Variants in PARP9 observed in about 807,000 individuals in gnomAD.
PARP9 encodes the protein poly(ADP-ribose) polymerase family member 9.
Under a neutral mutation model 68.8 loss-of-function variants are expected in PARP9, and 48 were observed. The ratio of observed to expected loss-of-function variants is 0.70; its 90% CI spans 0.55 to 0.89. The LOEUF is 0.89. PARP9 is among the 40% of genes least tolerant of loss of function. The pLI is 0.00. For synonymous variants in PARP9, 309 were observed against 333.8 expected (o/e 0.93, Z 0.81); for missense variants, 806 against 969.3 (o/e 0.83, Z 2.24).
At chr3:122,531,477 G>A (rs2077300515) in intron 10 of PARP9, among the ~76,000 whole-genome samples, 1 of 152,186 alleles carries the variant, frequency 6.6e-6, no homozygotes, top group Non-Finnish European at 1.5e-5. Flanking sequence ...AGAACTGCCT[G>A]CTGGGTGCAG....
chr3:122,545,156 T>G (rs1216879889), intron 7 of PARP9, among the ~76,000 whole-genome samples: 1 of 152,088 alleles, frequency 6.6e-6, no homozygotes, highest in African/African-American at 2.4e-5. Context: ...AACTTTTCCT[T>G]GGGAAAAAAT....
chr3:122,534,813 T>G (rs1402512297), intron 10 of PARP9: 1 of 602,270 alleles, frequency 1.7e-6, no homozygotes, highest in South Asian at 7.3e-5. Flanking sequence ...GAGGCGGAGG[T>G]TGCAGTGAGC....
chr3:122,530,176 C>CAAAA (rs11295677), intron 10 of PARP9, among the ~76,000 whole-genome samples: 4 of 82,296 alleles, frequency 4.9e-5, no homozygotes, highest in South Asian at 3.8e-4. Context: ...GGCCCTGTCT[C>CAAAA]AAAAAAAAAA....
Position 122,528,486 on chromosome 3 carries a change from G to T in PARP9, c.2338C>A (p.Pro780Thr). ...TGGGTGCATGTCCACAAATACTGAG[G>T]TATAGCCTGCATGCCACTAAAAATA... Reference protein sequence around the residue: ...FVIFSGMQAIPQYLWTCTQEY... With the variant: ...FVIFSGMQAITQYLWTCTQEY... The change falls in exon 11 of 11, where the codon CCT (proline) becomes ACT (threonine). Residue 780 changes from proline (P) to threonine (T), a missense_variant. By Grantham distance (38) the Pro-to-Thr change is conservative. This residue lies in a region of PARP9 where 680 missense variants were observed against 858.8 expected (regional missense o/e 0.79). Transcript: ENST00000682323. The T allele has an allele frequency of 6.2e-7, 1 of 1,614,164 alleles. No individual in the cohort carries two copies. Among genetic ancestry groups the T allele is most frequent in the Non-Finnish European group, 8.5e-7 (1 of 1,180,028 alleles).
chr3:122,536,491 C>T (rs2077655168), intron 9 of PARP9, 149 bp from the exon 10 acceptor site: 1 of 1,339,808 alleles, frequency 7.5e-7, no homozygotes, highest in Non-Finnish European at 9.9e-7. Flanking sequence ...AAAAGAGTCT[C>T]TCCTCCCTCT....
At position 122,547,120 on chromosome 3, in the gene PARP9, T is replaced by TC. The variant is rs1462349766; in HGVS notation, c.1327-1632_1327-1631insG. Among the ~76,000 whole-genome samples, 43 of 143,340 alleles carry TC rather than the reference T, an allele frequency of 3.0e-4. 1 individual carries two copies. In the South Asian group the frequency reaches 9.8e-3, roughly 33 times the overall value. The allele number at this position is 143,340 out of a possible 152,430, so 94.0% of individuals were successfully genotyped here. On this transcript the variant is annotated intron_variant, in intron 6 of 10. Coordinates refer to ENST00000682323, the MANE Select transcript of PARP9 (RefSeq NM_001146105.2). ...TACACGTATTTTTTTTTCTTTTTTTTTTTTTTTGAGATGGCCCTGGCTGGC... is the reference window on the plus strand; with the variant it reads ...TACACGTATTTTTTTTTCTTTTTTTTCTTTTTTTGAGATGGCCCTGGCTGGC...
intron 9 of PARP9, 163 bp from the exon 10 acceptor site, chr3:122,536,505 C>A: frequency 7.8e-7 from 1 of 1,277,502 alleles, no homozygotes; most frequent in Non-Finnish European, 1.0e-6. Flanking sequence ...TCCCTCTAAT[C>A]CTCTCCTATT....
chr3:122,555,885 C>T lies in PARP9; in HGVS notation c.286G>A (p.Ala96Thr), dbSNP rs1414757155. ...GCTGCATTCACCACAGCATCAACAG[C>T]ATGTGTGGTGAGGTCATCTTTCCAG... ...SVWKDDLTTHAVDAVVNAANE... is the reference protein window; with the variant it reads ...SVWKDDLTTHTVDAVVNAANE... The change falls in exon 4 of 11, where the codon GCT becomes ACT. Residue 96 changes from alanine to threonine, a missense_variant. Around this residue, in one of 2 missense-constraint regions of PARP9, gnomAD observed 126 missense variants for 110.5 expected, o/e 1.14. Transcript: ENST00000682323. The T allele has an allele frequency of 3.7e-6, 6 of 1,614,070 alleles. No homozygotes were observed. The South Asian group carries it at 5.5e-5, about 15-fold the overall frequency.
chr3:122,535,448 T>C, intron 10 of PARP9: 2 of 985,454 alleles, frequency 2.0e-6, no homozygotes, highest in Non-Finnish European at 2.4e-6. Context: ...GAGCCACATA[T>C]TTAATAGACC....
chr3:122,544,170 C>T (rs2078500662), intron 7 of PARP9, among the ~76,000 whole-genome samples: 1 of 152,102 alleles, frequency 6.6e-6, no homozygotes, highest in Non-Finnish European at 1.5e-5. Flanking sequence ...CCCCACCCTA[C>T]CCTCTCTGGA....
chr3:122,534,154 T>G, intron 10 of PARP9: 1 of 817,830 alleles, frequency 1.2e-6, no homozygotes, highest in African/African-American at 1.9e-5. Context: ...AAAGACTATA[T>G]GGAGACAAGA....
At chr3:122,564,484 C>T, upstream of PARP9, 2 of 1,612,802 alleles carry the variant, frequency 1.2e-6, no homozygotes, top group South Asian at 1.1e-5. Flanking sequence ...CAAGTCCGGC[C>T]CCCGAGTACG....
chr3:122,554,272 T>C (rs894162832), intron 4 of PARP9, among the ~76,000 whole-genome samples: 2 of 152,136 alleles, frequency 1.3e-5, no homozygotes, highest in African/African-American at 4.8e-5. Flanking sequence ...TCAAAACTCA[T>C]ACCTTCTGAA....
intron 10 of PARP9, chr3:122,534,673 G>T (rs1275458752): frequency 4.7e-5 from 9 of 190,330 alleles, no homozygotes; most frequent in Non-Finnish European, 6.8e-5. Context: ...AGTAGCTGGA[G>T]ATCAGCCTGG....
intron 7 of PARP9, among the ~76,000 whole-genome samples, chr3:122,543,606 T>G (rs2078443839): frequency 6.6e-6 from 1 of 152,030 alleles, no homozygotes; most frequent in Admixed American, 6.5e-5. Context: ...AACCTTTCCT[T>G]GATAATCTGA....
intron 6 of PARP9, among the ~76,000 whole-genome samples, chr3:122,546,584 A>G (rs1401062860): frequency 6.6e-6 from 1 of 152,178 alleles, no homozygotes; most frequent in African/African-American, 2.4e-5. Flanking sequence ...GGCTTATTAG[A>G]AGATGTATAC....
rs1435302904 is a variant in PARP9 at position 122,550,616 on chromosome 3, CA to C, written c.1293del (p.Phe431LeufsTer2). On this transcript the variant is annotated frameshift_variant, in exon 6 of 11. Transcript: ENST00000682323. LOFTEE classifies it high-confidence loss of function. ...DHVKHQLTVK[F>X]VIFPTDLEIY... is the part of the protein sequence containing the mutation. ...ATCTCCAAATCTGTTGGAAAGATCA[CA>C]AATTTTACAGTTAACTGGTGTTTTA... 6.2e-7 allele frequency: 1 copy of C among 1,613,258 alleles called. No individual in the cohort carries two copies. The highest frequency in any genetic ancestry group is 8.5e-7 in the Non-Finnish European group (1 of 1,179,846).
At chr3:122,535,173 T>C (rs977848325) in intron 10 of PARP9, 5 of 985,348 alleles carry the variant, frequency 5.1e-6, no homozygotes, top group Non-Finnish European at 3.6e-6. Context: ...ATGGAAATTA[T>C]AGATTTTTTA....
In PARP9 at chr3:122,528,425, G is replaced by T. The variant is rs933301508; in HGVS notation, c.2399C>A (p.Pro800Gln). The T allele has an allele frequency of 1.2e-6, 2 of 1,614,198 alleles. No individual in the cohort carries two copies. The highest frequency in any genetic ancestry group is 1.7e-6 in the Non-Finnish European group (2 of 1,180,032). The change falls in exon 11 of 11, where the codon CCA (proline) becomes CAA (glutamine). Residue 800 changes from proline (P) to glutamine (Q), a missense_variant. Pro to Gln is a moderately conservative substitution (Grantham distance 76, BLOSUM62 -1). Coordinates refer to ENST00000682323, the MANE Select transcript of PARP9 (RefSeq NM_001146105.2). ...AGGATGCTGTGCAAAGGGTCTCATT[G>T]GTCCTGATGAGTAATCTTGTGACTG... is the stretch of plus-strand genomic sequence containing the variant. ...YVQSQDYSSG[P>Q]MRPFAQHPWR...
Sources: gnomAD v4.1 joint callset for allele counts (sites outside exome capture counted in the v4.1 genomes callset) on GRCh38, gnomAD v4.1.1 for gene constraint, gnomAD v4.1.1 regional missense constraint, MANE v1.5 for transcripts, NCBI Gene and HGNC (gene_info 2026-07-23, HGNC 2026-07-21) for gene names.